Variants in GRIK2 observed in about 807,000 individuals in gnomAD.
GRIK2 encodes the protein glutamate ionotropic receptor kainate type subunit 2, also known as glutamate receptor ionotropic, kainate 2.
A neutral mutation model predicts 100.3 loss-of-function variants in GRIK2; 32 were observed. The ratio of observed to expected loss-of-function variants is 0.32; its 90% CI spans 0.24 to 0.43. The LOEUF (loss-of-function observed/expected upper bound fraction) is 0.43, where lower values mean the gene tolerates loss of function less well. Among genes scored for constraint, GRIK2 ranks in the 20% least tolerant of loss-of-function variants. The pLI, the probability that GRIK2 is intolerant of heterozygous loss-of-function variation, is 1.00. For synonymous variants in GRIK2, 417 were observed against 389.4 expected (o/e 1.07, Z -0.83); for missense variants, 843 against 1,114.9 (o/e 0.76, Z 3.47).
intron 2 of GRIK2, among the ~76,000 whole-genome samples, chr6:101,456,747 T>C (rs1475180013): frequency 2.0e-5 from 3 of 152,092 alleles, no homozygotes; most frequent in Non-Finnish European, 4.4e-5. Context: ...TCCTATTTTA[T>C]ACATCTTGGA....
At chr6:101,813,393 A>C (rs1425716393) in intron 9 of GRIK2, among the ~76,000 whole-genome samples, 1 of 152,168 alleles carries the variant, frequency 6.6e-6, no homozygotes, top group Non-Finnish European at 1.5e-5. Flanking sequence ...GGCAGCAAAA[A>C]TACCTTTAAG....
chr6:101,841,308 T>C (rs892524547), intron 10 of GRIK2, among the ~76,000 whole-genome samples: 3 of 152,252 alleles, frequency 2.0e-5, no homozygotes, highest in Admixed American at 2.0e-4. Flanking sequence ...GCAAAGTTTG[T>C]TAGGTTTTGT....
At chr6:102,036,258 C>CACATAT (rs1770267779) in intron 15 of GRIK2, among the ~76,000 whole-genome samples, 1 of 150,350 alleles carries the variant, frequency 6.7e-6, no homozygotes, top group South Asian at 2.1e-4. Context: ...CACACACACA[C>CACATAT]ACATATATAT....
chr6:101,490,574 G>T (rs571219814), intron 2 of GRIK2, among the ~76,000 whole-genome samples: 2 of 146,876 alleles, frequency 1.4e-5, no homozygotes, highest in African/African-American at 5.2e-5. Flanking sequence ...GAAGAAGTAC[G>T]TTGGGGGTGT....
At chr6:101,685,779 C>T (rs1218546879) in intron 6 of GRIK2, among the ~76,000 whole-genome samples, 2 of 150,130 alleles carry the variant, frequency 1.3e-5, no homozygotes, top group Non-Finnish European at 3.0e-5. Context: ...CAAAGAAACA[C>T]TGACAAAAAA....
chr6:101,466,297 T>C (rs912050414), intron 2 of GRIK2, among the ~76,000 whole-genome samples: 1 of 151,274 alleles, frequency 6.6e-6, no homozygotes, highest in African/African-American at 2.4e-5. Flanking sequence ...TATTCATTAA[T>C]ATAATTCTAT....
intron 2 of GRIK2, among the ~76,000 whole-genome samples, chr6:101,612,240 A>C (rs1440740122): frequency 6.6e-6 from 1 of 151,884 alleles, no homozygotes. Context: ...TGGACTAAGA[A>C]TTAATCTACC....
intron 7 of GRIK2, among the ~76,000 whole-genome samples, chr6:101,750,107 A>C (rs1776693734): frequency 6.6e-6 from 1 of 151,518 alleles, no homozygotes; most frequent in Non-Finnish European, 1.5e-5. Context: ...GAGCCACTGC[A>C]CCCAGCAGTG....
At chr6:101,445,451 CCTT>C in intron 2 of GRIK2, among the ~76,000 whole-genome samples, 1 of 152,070 alleles carries the variant, frequency 6.6e-6, no homozygotes, top group East Asian at 1.9e-4. Flanking sequence ...TCCCCCGAGT[CCTT>C]CTGTCCTTCT....
intron 10 of GRIK2, among the ~76,000 whole-genome samples, chr6:101,824,803 T>A (rs1782207569): frequency 6.6e-6 from 1 of 152,196 alleles, no homozygotes; most frequent in African/African-American, 2.4e-5. Flanking sequence ...CAGTATCCAC[T>A]TTACTTGCTT....
chr6:101,919,040 G>A (rs1789322728), intron 12 of GRIK2, among the ~76,000 whole-genome samples: 1 of 151,630 alleles, frequency 6.6e-6, no homozygotes, highest in African/African-American at 2.4e-5. Flanking sequence ...ATAAACAAAG[G>A]CATAATGAGA....
rs1346327986 is a variant in GRIK2, at chr6:101,948,464, CATATATAGTTATAGTT to C, written c.2085+19846_2085+19861del. On this transcript the variant is annotated intron_variant, in intron 14 of 16. Transcript: ENST00000369134. The stretch of plus-strand genomic sequence containing the variant: ...TAACTAATATATATATATATACACA[CATATATAGTTATAGTT>C]ATATATAGTTATACATAATATAGTT... Among the ~76,000 whole-genome samples, 387 of 147,080 alleles carry C rather than the reference CATATATAGTTATAGTT, an allele frequency of 2.6e-3. 2 individuals are homozygous for C. Among genetic ancestry groups the C allele is most frequent in the African/African-American group, 9.2e-3 (371 of 40,398 alleles).
intron 2 of GRIK2, among the ~76,000 whole-genome samples, chr6:101,472,195 A>AT (rs1270367607): frequency 6.6e-6 from 1 of 151,630 alleles, no homozygotes; most frequent in Non-Finnish European, 1.5e-5. Context: ...AGGTATCTGC[A>AT]TTTTTTGTAA....
chr6:101,671,858 T>C (rs976039444), intron 4 of GRIK2, among the ~76,000 whole-genome samples: 1 of 152,098 alleles, frequency 6.6e-6, no homozygotes, highest in African/African-American at 2.4e-5. Flanking sequence ...TCTGAGACTA[T>C]ATCAAAAACA....
At chr6:101,923,925 CAAAAAA>C (rs768844963) in intron 12 of GRIK2, among the ~76,000 whole-genome samples, 2 of 60,772 alleles carry the variant, frequency 3.3e-5, no homozygotes, top group Non-Finnish European at 7.2e-5. Flanking sequence ...ATTCTGTCTC[CAAAAAA>C]AAAAAAAAAA....
intron 2 of GRIK2, among the ~76,000 whole-genome samples, chr6:101,593,115 TG>T (rs1019913519): frequency 1.3e-5 from 2 of 151,896 alleles, no homozygotes; most frequent in African/African-American, 4.8e-5. Context: ...TGTTTGAAGG[TG>T]TTTGATACAA....
At chr6:101,532,942 G>A (rs1284966880) in intron 2 of GRIK2, among the ~76,000 whole-genome samples, 1 of 151,712 alleles carries the variant, frequency 6.6e-6, no homozygotes, top group African/African-American at 2.4e-5. Flanking sequence ...TTACATAGAG[G>A]AAAGGGATAT....
chr6:101,540,522 C>T (rs1334834969), intron 2 of GRIK2, among the ~76,000 whole-genome samples: 1 of 151,822 alleles, frequency 6.6e-6, no homozygotes, highest in Non-Finnish European at 1.5e-5. Flanking sequence ...TATACACCTA[C>T]TGTGTATCCA....
chr6:101,902,416 A>C (rs1266628228), intron 12 of GRIK2, among the ~76,000 whole-genome samples: 1 of 151,974 alleles, frequency 6.6e-6, no homozygotes, highest in Non-Finnish European at 1.5e-5. Context: ...GCAAAAGTAA[A>C]AAGTTAAGTT....
Sources: allele counts gnomAD v4.1 joint callset (sites outside exome capture counted in the v4.1 genomes callset), GRCh38; gene constraint gnomAD v4.1.1; transcripts MANE v1.5; gene names NCBI Gene and HGNC (gene_info 2026-07-23, HGNC 2026-07-21).